The following PCLO variants were observed in gnomAD, a reference collection of about 807,000 sequenced individuals.
PCLO encodes the protein piccolo presynaptic cytomatrix protein, also known as protein piccolo.
A neutral mutation model predicts 427.5 loss-of-function variants in PCLO; 82 were observed. That is an observed-to-expected ratio of 0.19 (90% CI 0.16 to 0.23). The LOEUF (loss-of-function observed/expected upper bound fraction) is 0.23. Among genes scored for constraint, PCLO ranks in the 10% least tolerant of loss-of-function variants. PCLO has a pLI of 1.00. For synonymous variants in PCLO, 2,357 were observed against 2,155.4 expected (o/e 1.09, Z -2.59); for missense variants, 6,239 against 6,115.9 (o/e 1.02, Z -0.67).
In PCLO at chr7:83,156,359, C is replaced by T; in HGVS notation, c.282G>A (p.Lys94=). The part of the protein sequence containing the change: ...KQELDSSHPP[K]QSGRPPDPGR... ...CAGGGTCCGGGGGTCTTCCTGATTG[C>T]TTTGGAGGATGACTACTATCCAACT... The change falls in exon 2 of 25, where the codon AAG becomes AAA. Residue 94 remains lysine (K), a synonymous_variant. Coordinates refer to ENST00000333891, the MANE Select transcript of PCLO (RefSeq NM_033026.6). 6.2e-7 allele frequency: 1 copy of T among 1,606,036 alleles called. No individual in the cohort carries two copies. The highest frequency in any genetic ancestry group is 8.5e-7 in the Non-Finnish European group (1 of 1,176,306).
intron 20 of PCLO, chr7:82,820,793 A>C: frequency 8.1e-7 from 1 of 1,231,186 alleles, no homozygotes; most frequent in Non-Finnish European, 1.0e-6. Flanking sequence ...ACAATGAAAC[A>C]TATTTATAGT....
At chr7:82,816,914 T>C (rs1479503987) in intron 20 of PCLO, among the ~76,000 whole-genome samples, 1 of 152,106 alleles carries the variant, frequency 6.6e-6, no homozygotes, top group East Asian at 1.9e-4. Flanking sequence ...AAACAAGAGA[T>C]AGTGTGATAT....
intron 20 of PCLO, among the ~76,000 whole-genome samples, chr7:82,813,298 T>G (rs1310516454): frequency 1.3e-5 from 2 of 151,764 alleles, no homozygotes; most frequent in Non-Finnish European, 3.0e-5. Flanking sequence ...TAATGATCTA[T>G]TAATCTATAA....
At chr7:82,932,830 G>C (rs188242001) in intron 6 of PCLO, among the ~76,000 whole-genome samples, 1 of 151,980 alleles carries the variant, frequency 6.6e-6, no homozygotes, top group Non-Finnish European at 1.5e-5. Context: ...GGTTCTTTAT[G>C]ATTTCTTTTA....
chr7:83,081,479 C>T (rs1363627581), intron 3 of PCLO, among the ~76,000 whole-genome samples: 2 of 151,840 alleles, frequency 1.3e-5, no homozygotes, highest in Admixed American at 6.6e-5. Context: ...AATACCCAGA[C>T]TATATTTAAA....
In PCLO at chr7:82,916,372, T is replaced by C; in HGVS notation, c.11614A>G (p.Thr3872Ala). 6.2e-7 allele frequency: 1 copy of C among 1,613,540 alleles called. No homozygotes were observed. Among genetic ancestry groups the C allele is most frequent in the Non-Finnish European group, 8.5e-7 (1 of 1,179,700 alleles). Residue 3872 changes from threonine (T) to alanine (A), a missense_variant, in exon 7 of 25, where the codon ACC becomes GCC. Transcript: ENST00000333891. ...GGAACTAGTTGAGATTCTGTTTGGG[T>C]TTGTGGTGGTATAAACTGGCTGAAT... ...TEFSQFIPPQ[T>A]QTESQLVPPT...
At chr7:82,926,524 T>C (rs1167033510) in intron 6 of PCLO, among the ~76,000 whole-genome samples, 1 of 152,112 alleles carries the variant, frequency 6.6e-6, no homozygotes, top group Non-Finnish European at 1.5e-5. Context: ...TTTATCAAAG[T>C]CTAGTAATAC....
Position 82,916,662 on chromosome 7 carries a change from C to T in PCLO, c.11324G>A (p.Arg3775Lys), listed in dbSNP as rs1429917320. The T allele has an allele frequency of 6.2e-7, 1 of 1,613,598 alleles. No individual in the cohort carries two copies. The highest frequency in any genetic ancestry group is 8.5e-7 in the Non-Finnish European group (1 of 1,179,748). Residue 3775 changes from arginine (R) to lysine (K), a missense_variant, in exon 7 of 25, where the codon AGG (arginine) becomes AAG (lysine). Coordinates refer to ENST00000333891, the MANE Select transcript of PCLO (RefSeq NM_033026.6). ...DIDRELDLVERESAKLRKKQA... is the reference protein window; with the variant it reads ...DIDRELDLVEKESAKLRKKQA... ...TTTCTTTCGAAGTTTTGCAGACTCC[C>T]TTTCCACAAGATCAAGCTCTCTGTC...
chr7:82,869,274 T>C (rs531932975), intron 10 of PCLO, among the ~76,000 whole-genome samples: 1 of 152,220 alleles, frequency 6.6e-6, no homozygotes, highest in East Asian at 1.9e-4. Context: ...ACAATTGCTA[T>C]GGATAATTGT....
At chr7:83,126,545 A>G (rs1352399697) in intron 3 of PCLO, among the ~76,000 whole-genome samples, 1 of 152,084 alleles carries the variant, frequency 6.6e-6, no homozygotes, top group African/African-American at 2.4e-5. Context: ...AAAAGTAATC[A>G]TAAAGAAAAA....
At chr7:83,050,290 C>A (rs1357887363) in intron 3 of PCLO, among the ~76,000 whole-genome samples, 1,420 of 33,260 alleles carry the variant, frequency 0.043, 17 homozygotes, top group Non-Finnish European at 0.064. Flanking sequence ...AAAAAAAAAA[C>A]AAAACCAAAA....
At chr7:82,843,439 C>T (rs1159133815) in intron 13 of PCLO, among the ~76,000 whole-genome samples, 1 of 152,076 alleles carries the variant, frequency 6.6e-6, no homozygotes, top group Non-Finnish European at 1.5e-5. Flanking sequence ...AGGGTACAAA[C>T]TTCTCTTAGA....
chr7:82,903,463 A>C (rs899010878), intron 8 of PCLO, among the ~76,000 whole-genome samples: 5 of 152,016 alleles, frequency 3.3e-5, no homozygotes, highest in African/African-American at 1.2e-4. Context: ...TTCAATTCTC[A>C]TTATTGAGAC....
chr7:82,771,423 A>G (rs1790645187), intron 22 of PCLO, among the ~76,000 whole-genome samples: 1 of 151,998 alleles, frequency 6.6e-6, no homozygotes, highest in African/African-American at 2.4e-5. Flanking sequence ...TTCACCCTTC[A>G]AATTTTTCAA....
chr7:83,114,246 T>C (rs538039949), intron 3 of PCLO, among the ~76,000 whole-genome samples: 153 of 152,216 alleles, frequency 1.0e-3, no homozygotes, highest in Non-Finnish European at 1.5e-3. Flanking sequence ...GGGATTCATA[T>C]TCTGCAGAGA....
At chr7:83,080,407 C>T (rs1171069080) in intron 3 of PCLO, among the ~76,000 whole-genome samples, 2 of 152,044 alleles carry the variant, frequency 1.3e-5, no homozygotes, top group African/African-American at 2.4e-5. Flanking sequence ...TTTTAATAAT[C>T]GCCATTCTGT....
At chr7:83,112,630 A>T (rs1380399148) in intron 3 of PCLO, among the ~76,000 whole-genome samples, 1 of 152,204 alleles carries the variant, frequency 6.6e-6, no homozygotes, top group African/African-American at 2.4e-5. Context: ...GGCTTTCCAA[A>T]GTATACTCAT....
intron 3 of PCLO, among the ~76,000 whole-genome samples, chr7:83,038,029 A>ATATATATATATATATTTATATC (rs1788855213): frequency 1.1e-4 from 4 of 36,490 alleles, no homozygotes; most frequent in Non-Finnish European, 1.3e-4. Flanking sequence ...ATATATATAT[A>ATATATATATATATATTTATATC]TTTATATATT....
At chr7:82,788,477 A>G (rs1791031948) in intron 22 of PCLO, among the ~76,000 whole-genome samples, 1 of 152,002 alleles carries the variant, frequency 6.6e-6, no homozygotes, top group Non-Finnish European at 1.5e-5. Context: ...TGTGAAATGC[A>G]TATAGCAACA....
Sources: allele counts gnomAD v4.1 joint callset (sites outside exome capture counted in the v4.1 genomes callset), GRCh38; gene constraint gnomAD v4.1.1; transcripts MANE v1.5; gene names NCBI Gene and HGNC (gene_info 2026-07-23, HGNC 2026-07-21).